Variants in PRKD1 observed in about 807,000 individuals in gnomAD.
PRKD1 encodes the protein serine/threonine-protein kinase D1.
A neutral mutation model predicts 95.9 loss-of-function variants in PRKD1; 63 were observed. The observed-to-expected ratio is 0.66, with a 90% CI of 0.54 to 0.81. PRKD1 has a LOEUF of 0.81. PRKD1 is among the 30% of genes least tolerant of loss of function. The pLI is 0.00. For missense variants in PRKD1, 1,048 were observed against 1,165.3 expected (o/e 0.90, Z 1.47); for synonymous variants, 425 against 423.1 (o/e 1.00, Z -0.05).
intron 2 of PRKD1, among the ~76,000 whole-genome samples, chr14:29,702,844 T>TA (rs1444371661): frequency 6.6e-6 from 1 of 152,202 alleles, no homozygotes; most frequent in Non-Finnish European, 1.5e-5. Flanking sequence ...TAAAAGTGCA[T>TA]AATGAATAAT....
At chr14:29,800,022 T>C (rs1364991681) in intron 1 of PRKD1, among the ~76,000 whole-genome samples, 1 of 152,148 alleles carries the variant, frequency 6.6e-6, no homozygotes, top group African/African-American at 2.4e-5. Flanking sequence ...CTGTTATGTG[T>C]CTCACAGAGA....
chr14:29,814,498 A>G (rs1392122700), intron 1 of PRKD1, among the ~76,000 whole-genome samples: 2 of 152,198 alleles, frequency 1.3e-5, no homozygotes, highest in African/African-American at 2.4e-5. Flanking sequence ...CTACATCAGT[A>G]TACTAAGGAA....
At chr14:29,835,289 C>A (rs1218636747) in intron 1 of PRKD1, among the ~76,000 whole-genome samples, 1 of 152,188 alleles carries the variant, frequency 6.6e-6, no homozygotes, top group Non-Finnish European at 1.5e-5. Context: ...CATCTCACAT[C>A]TCTTTCCTTC....
chr14:29,583,827 A>T (rs1034633716), intron 16 of PRKD1, among the ~76,000 whole-genome samples: 1 of 152,070 alleles, frequency 6.6e-6, no homozygotes, highest in Non-Finnish European at 1.5e-5. Flanking sequence ...TACAAATTAT[A>T]AAAAAAATTT....
At chr14:29,585,864 T>C (rs1030085644) in intron 16 of PRKD1, among the ~76,000 whole-genome samples, 5 of 152,196 alleles carry the variant, frequency 3.3e-5, no homozygotes, top group African/African-American at 1.2e-4. Flanking sequence ...CAAGTGAAAA[T>C]CCTTAGGAGA....
chr14:29,778,574 C>T (rs1048596029), intron 1 of PRKD1, among the ~76,000 whole-genome samples: 1 of 152,144 alleles, frequency 6.6e-6, no homozygotes, highest in African/African-American at 2.4e-5. Context: ...TACACCCTCC[C>T]AAGACTAAAC....
chr14:29,895,570 T>C (rs1351798676), intron 1 of PRKD1, among the ~76,000 whole-genome samples: 1 of 152,046 alleles, frequency 6.6e-6, no homozygotes, highest in African/African-American at 2.4e-5. Context: ...GAAGTCTCAT[T>C]CGGAGGGAAA....
intron 1 of PRKD1, among the ~76,000 whole-genome samples, chr14:29,849,263 C>T (rs143020075): frequency 2.4e-4 from 37 of 152,264 alleles, no homozygotes; most frequent in Admixed American, 2.6e-4. Context: ...TGAAGACATG[C>T]GTGCCCGCTT....
intron 13 of PRKD1, among the ~76,000 whole-genome samples, chr14:29,608,487 T>C (rs1878180522): frequency 6.6e-6 from 1 of 152,184 alleles, no homozygotes; most frequent in Admixed American, 6.5e-5. Context: ...AAAGGTGGAC[T>C]CCTTTTTCTC....
intron 1 of PRKD1, among the ~76,000 whole-genome samples, chr14:29,749,311 AG>A (rs1285812379): frequency 6.6e-6 from 1 of 152,148 alleles, no homozygotes; most frequent in Admixed American, 6.6e-5. Flanking sequence ...GGAAAAAAGG[AG>A]GGGTGGTAAA....
At chr14:29,906,191 A>T (rs1037115393) in intron 1 of PRKD1, among the ~76,000 whole-genome samples, 1 of 152,170 alleles carries the variant, frequency 6.6e-6, no homozygotes. Flanking sequence ...AAGTATTGAA[A>T]GTATAAATAA....
At chr14:29,904,729 G>C (rs1360704267) in intron 1 of PRKD1, among the ~76,000 whole-genome samples, 1 of 152,186 alleles carries the variant, frequency 6.6e-6, no homozygotes, top group Admixed American at 6.5e-5. Context: ...TATATGCTGA[G>C]TTCAAACAGC....
In PRKD1 at chr14:29,826,673, GTA is replaced by G. The variant is rs1279843396; in HGVS notation, c.264+100574_264+100575del. 1.5e-3 allele frequency among the ~76,000 whole-genome samples: 119 copies of G among 78,848 alleles called. 5 individuals are homozygous for G. The highest frequency in any genetic ancestry group is 3.7e-3 in the African/African-American group (79 of 21,384). 51.7% of individuals were successfully genotyped at this position (78,848 alleles called of 152,430 possible). A position where few individuals can be genotyped will look rare whatever the true frequency, so the allele number is the denominator to read the frequency against. On this transcript the variant is annotated intron_variant, in intron 1 of 17. Coordinates refer to ENST00000331968, the MANE Select transcript of PRKD1 (RefSeq NM_002742.3). ...TATATGTGTGTGTGTGTATATATGTGTATATATATATACACACATATATATAC... is the reference window on the plus strand; with the variant it reads ...TATATGTGTGTGTGTGTATATATGTGTATATATATACACACATATATATAC...
At chr14:29,617,135 C>T (rs1878921181) in intron 13 of PRKD1, among the ~76,000 whole-genome samples, 1 of 152,100 alleles carries the variant, frequency 6.6e-6, no homozygotes, top group African/African-American at 2.4e-5. Flanking sequence ...CATGATTTCC[C>T]TTTTTTATGG....
chr14:29,698,593 A>T (rs1052272564), intron 2 of PRKD1, among the ~76,000 whole-genome samples: 1 of 151,936 alleles, frequency 6.6e-6, no homozygotes, highest in Non-Finnish European at 1.5e-5. Flanking sequence ...CGAAATTGGG[A>T]AAGGGCTGGC....
At chr14:29,876,475 C>T (rs771296312) in intron 1 of PRKD1, among the ~76,000 whole-genome samples, 2 of 152,072 alleles carry the variant, frequency 1.3e-5, no homozygotes, top group Non-Finnish European at 2.9e-5. Flanking sequence ...TAGCTTTACA[C>T]TCCAAAACAA....
chr14:29,666,805 A>G (rs926349829), intron 2 of PRKD1, among the ~76,000 whole-genome samples: 2 of 152,080 alleles, frequency 1.3e-5, no homozygotes, highest in Non-Finnish European at 2.9e-5. Flanking sequence ...CACTTCACCA[A>G]CATGCCAAAG....
chr14:29,910,301 C>A (rs767513188), intron 1 of PRKD1, among the ~76,000 whole-genome samples: 1 of 152,128 alleles, frequency 6.6e-6, no homozygotes, highest in Non-Finnish European at 1.5e-5. Flanking sequence ...AGGTCTGCAG[C>A]TTCACTCATG....
chr14:29,876,626 T>C (rs1188503462), intron 1 of PRKD1, among the ~76,000 whole-genome samples: 1 of 150,640 alleles, frequency 6.6e-6, no homozygotes, highest in Admixed American at 6.6e-5. Flanking sequence ...ATGCCTAAAA[T>C]GGGCTTGCAA....
Sources: allele counts gnomAD v4.1 joint callset (sites outside exome capture counted in the v4.1 genomes callset), GRCh38; gene constraint gnomAD v4.1.1; transcripts MANE v1.5; gene names NCBI Gene and HGNC (gene_info 2026-07-23, HGNC 2026-07-21).